The following CDH13 variants were observed in gnomAD, a reference collection of about 807,000 sequenced individuals.
CDH13 encodes the protein cadherin-13.
A neutral mutation model predicts 63.8 loss-of-function variants in CDH13; 24 were observed. The observed-to-expected ratio is 0.38, with a 90% CI of 0.27 to 0.53. The LOEUF is 0.53. CDH13 is among the 20% of genes least tolerant of loss of function. The probability of loss-of-function intolerance (pLI) is 0.85; values close to 1 mark genes in which losing one functional copy is unlikely to be tolerated. For synonymous variants in CDH13, 503 were observed against 355.3 expected, an observed-to-expected ratio of 1.42 and a Z score of -4.67; for missense variants, 1,049 against 903.1, an observed-to-expected ratio of 1.16 and a Z score of -2.07.
At chr16:83,254,753 C>T (rs1293908702) in intron 5 of CDH13, among the ~76,000 whole-genome samples, 2 of 152,144 alleles carry the variant, frequency 1.3e-5, no homozygotes, top group Non-Finnish European at 2.9e-5. Flanking sequence ...TACTGTGCTG[C>T]TTCCAATTTC....
chr16:82,989,681 A>G (rs562535290), intron 2 of CDH13, among the ~76,000 whole-genome samples: 10 of 152,198 alleles, frequency 6.6e-5, no homozygotes, highest in African/African-American at 2.4e-4. Flanking sequence ...TGCTGTATTC[A>G]AGGTGCAGGG....
chr16:82,813,647 C>A (rs964065810), intron 1 of CDH13, among the ~76,000 whole-genome samples: 1 of 152,094 alleles, frequency 6.6e-6, no homozygotes, highest in Non-Finnish European at 1.5e-5. Context: ...ATTGCTGGGG[C>A]TGGACTTTGC....
chr16:83,152,343 A>G (rs1176769131), intron 4 of CDH13, among the ~76,000 whole-genome samples: 1 of 152,232 alleles, frequency 6.6e-6, no homozygotes, highest in Non-Finnish European at 1.5e-5. Flanking sequence ...TCTATTCTCA[A>G]ATAATTTTTA....
Position 83,800,078 on chromosome 16 carries a change from T to C in CDH13, c.*5048T>C, listed in dbSNP as rs1904309387. 2 of 152,226 alleles carry C rather than the reference T, an allele frequency of 1.3e-5. No homozygotes were observed. The highest frequency in any genetic ancestry group is 4.8e-5 in the African/African-American group (2 of 41,454). The allele number at this position is 152,226 out of a possible 1,614,324, so 9.4% of individuals were successfully genotyped here. A position where few individuals can be genotyped will look rare whatever the true frequency, so the allele number is the denominator to read the frequency against. On this transcript the variant is annotated 3_prime_UTR_variant, in exon 14 of 14. Transcript: ENST00000567109. ...ATCTATCGTTGGAGGGTTGCTGAGC[T>C]TGATACGCCTTTGAACCATTTTATT...
chr16:83,276,230 A>G (rs545951229), intron 5 of CDH13, among the ~76,000 whole-genome samples: 1 of 152,220 alleles, frequency 6.6e-6, no homozygotes, highest in South Asian at 2.1e-4. Context: ...TCATTTATCA[A>G]GCTGATATCT....
chr16:83,539,573 A>G (rs2075261304), intron 7 of CDH13, among the ~76,000 whole-genome samples: 1 of 152,246 alleles, frequency 6.6e-6, no homozygotes, highest in South Asian at 2.1e-4. Flanking sequence ...GAGAAGGCAC[A>G]GAGATGAGCA....
At position 83,065,430 on chromosome 16, in the gene CDH13, C is replaced by T. The variant is rs186359114; in HGVS notation, c.366+33212C>T. Reference sequence around the variant, plus strand: ...AGATATAGACCACTTCCAGGCTGGGCGTGGTGGCTCGTGCCTGTAATCCCA... The same window carrying T: ...AGATATAGACCACTTCCAGGCTGGGTGTGGTGGCTCGTGCCTGTAATCCCA... On this transcript the variant is annotated intron_variant, in intron 3 of 13. Coordinates refer to ENST00000567109, the MANE Select transcript of CDH13 (RefSeq NM_001257.5). 1.7e-4 allele frequency among the ~76,000 whole-genome samples: 26 copies of T among 152,206 alleles called. 1 individual carries two copies. The highest frequency in any genetic ancestry group is 5.9e-4 in the Admixed American group (9 of 15,288).
chr16:83,534,070 C>G (rs1598240387), intron 7 of CDH13, among the ~76,000 whole-genome samples: 1 of 152,218 alleles, frequency 6.6e-6, no homozygotes. Flanking sequence ...CCACCTCTAT[C>G]TATATTCTCA....
At chr16:82,722,427 C>T (rs1042557280) in intron 1 of CDH13, among the ~76,000 whole-genome samples, 3 of 152,150 alleles carry the variant, frequency 2.0e-5, no homozygotes, top group African/African-American at 7.2e-5. Flanking sequence ...AGAGAGAGGG[C>T]TGCTATTACT....
At position 82,858,251 on chromosome 16, in the gene CDH13, G is replaced by C. The variant is rs2039783465; in HGVS notation, c.46-111G>C. The C allele has an allele frequency of 7.6e-6, 5 of 660,424 alleles. No homozygotes were observed. In the South Asian group the frequency reaches 9.9e-5, roughly 13 times the overall value. The allele number at this position is 660,424 out of a possible 1,614,324, so 40.9% of individuals were successfully genotyped here. A position where few individuals can be genotyped will look rare whatever the true frequency, so the allele number is the denominator to read the frequency against. On this transcript the variant is annotated intron_variant, in intron 1 of 13. Coordinates refer to ENST00000567109, the MANE Select transcript of CDH13 (RefSeq NM_001257.5). ...AAGTTTCAACTTACCTCTTCATTTG[G>C]GAAATGAAATCAAAACCTCAGCTTG...
At chr16:82,809,258 A>G (rs983137964) in intron 1 of CDH13, among the ~76,000 whole-genome samples, 1 of 151,694 alleles carries the variant, frequency 6.6e-6, no homozygotes. Flanking sequence ...TTATTTTTTC[A>G]TGTTCATTTC....
At chr16:83,173,003 G>A (rs944349023) in intron 4 of CDH13, among the ~76,000 whole-genome samples, 2 of 152,058 alleles carry the variant, frequency 1.3e-5, no homozygotes, top group Non-Finnish European at 2.9e-5. Flanking sequence ...AATTGCATGC[G>A]TTGTTTTGCT....
intron 2 of CDH13, among the ~76,000 whole-genome samples, chr16:82,878,966 T>C (rs9933935): frequency 0.75 from 114,472 of 151,902 alleles, 43,358 homozygotes; most frequent in East Asian, 0.88. Flanking sequence ...TTTCTTGAGT[T>C]TCCCTGTTTG....
chr16:83,388,506 A>G (rs2091722689), intron 6 of CDH13, among the ~76,000 whole-genome samples: 1 of 152,084 alleles, frequency 6.6e-6, no homozygotes, highest in Non-Finnish European at 1.5e-5. Context: ...ATATTGGACA[A>G]GTGTTTGGAG....
At chr16:83,377,864 T>C (rs1311243682) in intron 6 of CDH13, among the ~76,000 whole-genome samples, 1 of 152,134 alleles carries the variant, frequency 6.6e-6, no homozygotes, top group East Asian at 1.9e-4. Context: ...AATAAGGTAC[T>C]TTGCAAAAAT....
At chr16:83,681,809 G>A (rs992877084) in intron 10 of CDH13, among the ~76,000 whole-genome samples, 4 of 152,178 alleles carry the variant, frequency 2.6e-5, no homozygotes, top group Admixed American at 6.5e-5. Flanking sequence ...CAGGATGGGA[G>A]ACACTTTTCT....
At chr16:83,755,168 A>T (rs989296200) in intron 11 of CDH13, among the ~76,000 whole-genome samples, 4 of 152,230 alleles carry the variant, frequency 2.6e-5, no homozygotes, top group Non-Finnish European at 4.4e-5. Flanking sequence ...AATCAGATAG[A>T]TATTCCAGAA....
At chr16:82,681,066 C>T (rs140764536) in intron 1 of CDH13, among the ~76,000 whole-genome samples, 212 of 152,264 alleles carry the variant, frequency 1.4e-3, no homozygotes, top group African/African-American at 1.4e-3. Flanking sequence ...TCTGGCATGG[C>T]AAAGGGGCTT....
chr16:82,673,916 C>T (rs955839286), intron 1 of CDH13, among the ~76,000 whole-genome samples: 2 of 152,200 alleles, frequency 1.3e-5, no homozygotes, highest in Admixed American at 1.3e-4. Context: ...GCAATGTGTG[C>T]TTTCTGCATC....
Sources: gnomAD v4.1 joint callset for allele counts (sites outside exome capture counted in the v4.1 genomes callset) on GRCh38, gnomAD v4.1.1 for gene constraint, MANE v1.5 for transcripts, NCBI Gene and HGNC (gene_info 2026-07-23, HGNC 2026-07-21) for gene names.